The following CHKA variants were observed in gnomAD, a reference collection of about 807,000 sequenced individuals.
CHKA encodes choline kinase alpha, also known as CHETK-alpha.
Under a neutral mutation model 60.1 loss-of-function variants are expected in CHKA, and 34 were observed. The observed-to-expected ratio is 0.57, with a 90% confidence interval of 0.43 to 0.75. The LOEUF (loss-of-function observed/expected upper bound fraction) is 0.75. Among genes scored for constraint, CHKA ranks in the 30% least tolerant of loss-of-function variants. The pLI is 0.00. For missense variants in CHKA, 563 were observed against 561.3 expected, an observed-to-expected ratio of 1.00 and a Z score of -0.03; for synonymous variants, 217 against 223.1, an observed-to-expected ratio of 0.97 and a Z score of 0.24.
At chr11:68,114,675 C>T (rs1314599706) in intron 1 of CHKA, among the ~76,000 whole-genome samples, 2 of 147,296 alleles carry the variant, frequency 1.4e-5, no homozygotes, top group East Asian at 2.0e-4. Context: ...CCAGCCTCGG[C>T]GACAGAGCGA....
chr11:68,079,149 G>A (rs1010626220), intron 3 of CHKA, among the ~76,000 whole-genome samples: 5 of 152,010 alleles, frequency 3.3e-5, no homozygotes, highest in Non-Finnish European at 7.4e-5. Context: ...GGCCAAGCTG[G>A]TCTCAAACTT....
chr11:68,074,957 T>C, intron 3 of CHKA, 127 bp from the exon 4 acceptor site: 1 of 753,800 alleles, frequency 1.3e-6, no homozygotes, highest in Admixed American at 2.4e-5. Flanking sequence ...ACTACTGTTA[T>C]CATCATCCCC....
chr11:68,064,751 C>T, intron 9 of CHKA, 120 bp from the exon 10 acceptor site: 3 of 632,170 alleles, frequency 4.7e-6, no homozygotes, highest in Non-Finnish European at 5.5e-6. Context: ...ACATGATGTT[C>T]AGCATCTCCG....
At chr11:68,110,641 T>C (rs1370050274) in intron 1 of CHKA, among the ~76,000 whole-genome samples, 1 of 152,152 alleles carries the variant, frequency 6.6e-6, no homozygotes, top group Non-Finnish European at 1.5e-5. Flanking sequence ...ATCTGTAGAT[T>C]TAATGCAATC....
chr11:68,076,645 G>A (rs897441792), intron 3 of CHKA, among the ~76,000 whole-genome samples: 4 of 151,922 alleles, frequency 2.6e-5, no homozygotes, highest in East Asian at 1.9e-4. Flanking sequence ...TGCTGGACTC[G>A]GAAGTTCAGC....
rs1855896725 is a variant in CHKA at position 68,053,935 on chromosome 11, C to T, written c.*53G>A. ...GTCGAAGCACAGAGGGGACCCCGCT[C>T]TGCTGCCTCCCCATGCAGTCCAGTG... On this transcript the variant is annotated 3_prime_UTR_variant, in exon 12 of 12. Transcript: ENST00000265689. 1 of 1,534,152 alleles carries T rather than the reference C, an allele frequency of 6.5e-7. No individual in the cohort carries two copies. The highest frequency in any genetic ancestry group is 1.1e-5 in the South Asian group (1 of 87,898).
intron 11 of CHKA, among the ~76,000 whole-genome samples, chr11:68,057,227 T>C (rs907389553): frequency 6.6e-6 from 1 of 152,206 alleles, no homozygotes; most frequent in Non-Finnish European, 1.5e-5. Context: ...GGTTTTTATG[T>C]GTTTCCTGCT....
intron 1 of CHKA, among the ~76,000 whole-genome samples, chr11:68,107,162 G>T (rs1478594960): frequency 6.6e-6 from 1 of 152,002 alleles, no homozygotes; most frequent in East Asian, 1.9e-4. Context: ...TTAGGCAGGA[G>T]AATCGCTTGA....
intron 11 of CHKA, chr11:68,061,570 G>A: frequency 2.8e-6 from 1 of 355,248 alleles, no homozygotes; most frequent in South Asian, 2.1e-5. Context: ...CCACAGCACA[G>A]GCAGGAGCCA....
chr11:68,120,161 C>G (rs1394991973), intron 1 of CHKA, among the ~76,000 whole-genome samples: 7 of 150,314 alleles, frequency 4.7e-5, no homozygotes, highest in African/African-American at 1.5e-4. Context: ...CACGGGAGGC[C>G]GTGGTTGCAG....
At chr11:68,060,855 C>T (rs1856210284) in intron 11 of CHKA, among the ~76,000 whole-genome samples, 1 of 152,058 alleles carries the variant, frequency 6.6e-6, no homozygotes, top group Non-Finnish European at 1.5e-5. Context: ...CCTTCTTTTA[C>T]CTAATATCAT....
intron 1 of CHKA, among the ~76,000 whole-genome samples, chr11:68,107,576 A>G (rs909278536): frequency 1.3e-5 from 2 of 151,508 alleles, no homozygotes; most frequent in Admixed American, 6.6e-5. Context: ...TCCATTCTCA[A>G]TGCTCCTGCC....
intron 2 of CHKA, among the ~76,000 whole-genome samples, chr11:68,093,305 T>C (rs935451903): frequency 3.9e-5 from 6 of 152,188 alleles, no homozygotes; most frequent in Non-Finnish European, 7.3e-5. Flanking sequence ...CAGCCCTAAT[T>C]TCCCTTTCTA....
chr11:68,104,536 T>A (rs1274414572), intron 1 of CHKA, among the ~76,000 whole-genome samples: 2 of 152,004 alleles, frequency 1.3e-5, no homozygotes, highest in East Asian at 3.9e-4. Context: ...TTCTCATGCA[T>A]TAGTCTCCTG....
At chr11:68,100,755 A>G (rs942107869) in intron 1 of CHKA, among the ~76,000 whole-genome samples, 2 of 151,700 alleles carry the variant, frequency 1.3e-5, no homozygotes, top group Non-Finnish European at 2.9e-5. Context: ...TACAGTGACA[A>G]TAACACACTT....
chr11:68,088,860 T>C (rs1857267066), intron 2 of CHKA, among the ~76,000 whole-genome samples: 1 of 152,176 alleles, frequency 6.6e-6, no homozygotes. Context: ...TTTAGCACTT[T>C]CTGAAAACAT....
intron 1 of CHKA, among the ~76,000 whole-genome samples, chr11:68,106,035 T>C (rs1326030535): frequency 1.3e-5 from 2 of 152,068 alleles, no homozygotes; most frequent in African/African-American, 4.8e-5. Flanking sequence ...GAATACAGCG[T>C]AATATCAAAA....
chr11:68,057,999 C>T (rs1483998270), intron 11 of CHKA, among the ~76,000 whole-genome samples: 4 of 152,168 alleles, frequency 2.6e-5, no homozygotes, highest in Non-Finnish European at 5.9e-5. Flanking sequence ...AAGTGATCTT[C>T]CCAGCTCAGC....
chr11:68,094,417 T>C (rs2134648014), intron 2 of CHKA, among the ~76,000 whole-genome samples: 1 of 152,264 alleles, frequency 6.6e-6, no homozygotes, highest in East Asian at 1.9e-4. Context: ...GGCTCACTCC[T>C]GTAGTCCCAG....
Sources: gnomAD v4.1 joint callset for allele counts (sites outside exome capture counted in the v4.1 genomes callset) on GRCh38, gnomAD v4.1.1 for gene constraint, MANE v1.5 for transcripts, NCBI Gene and HGNC (gene_info 2026-07-23, HGNC 2026-07-21) for gene names.